The following PSME4 variants were observed in gnomAD, a reference collection of about 807,000 sequenced individuals.
The protein encoded by PSME4 is proteasome activator subunit 4, also known as proteasome activator complex subunit 4.
Under a neutral mutation model 253.9 loss-of-function variants are expected in PSME4, and 89 were observed. The observed-to-expected ratio is 0.35, with a 90% CI of 0.30 to 0.42. The LOEUF is 0.42. Ranked by LOEUF, PSME4 falls within the 10% of genes least tolerant of loss-of-function variation. The pLI, the probability that PSME4 is intolerant of heterozygous loss-of-function variation, is 1.00. For synonymous variants in PSME4, 851 were observed against 759.2 expected (o/e 1.12, Z -1.99); for missense variants, 2,014 against 2,195.2 (o/e 0.92, Z 1.65).
At chr2:53,895,871 T>A (rs1486362140) in intron 32 of PSME4, 135 bp from the exon 33 acceptor site, 2 of 747,562 alleles carry the variant, frequency 2.7e-6, no homozygotes, top group East Asian at 5.7e-5. Flanking sequence ...AGATAACATA[T>A]ATATGAGCAA....
intron 18 of PSME4, 129 bp from the exon 19 acceptor site, chr2:53,920,479 T>A (rs979030685): frequency 2.2e-6 from 2 of 929,636 alleles, no homozygotes; most frequent in East Asian, 2.7e-5. Context: ...AGGTAGCAAA[T>A]GATATACAAA....
chr2:53,892,854 A>AT lies in PSME4; in HGVS notation c.4144dup (p.Ile1382AsnfsTer10). The stretch of plus-strand genomic sequence containing the variant: ...AGAACCTCTGATTAAACCAGCTATA[A>AT]TTTCTGCAACACATCGCTGGGTGCT... On this transcript the variant is annotated frameshift_variant, in exon 36 of 47. Transcript: ENST00000404125. LOFTEE classifies it high-confidence loss of function. 1 of 1,613,856 alleles carries AT rather than the reference A, an allele frequency of 6.2e-7. No homozygotes were observed. Among genetic ancestry groups the AT allele is most frequent in the Non-Finnish European group, 8.5e-7 (1 of 1,179,856 alleles).
At chr2:53,889,519 A>G (rs1679801104) in intron 37 of PSME4, among the ~76,000 whole-genome samples, 1 of 152,130 alleles carries the variant, frequency 6.6e-6, no homozygotes, top group South Asian at 2.1e-4. Context: ...GTTGGCTGAA[A>G]CCACAGATGT....
intron 10 of PSME4, among the ~76,000 whole-genome samples, chr2:53,929,307 C>T (rs1289026153): frequency 6.6e-6 from 1 of 152,092 alleles, no homozygotes; most frequent in Non-Finnish European, 1.5e-5. Flanking sequence ...CCACCCCCAA[C>T]CCTGGAGTCA....
chr2:53,894,542 G>A (rs1481882881), intron 34 of PSME4, among the ~76,000 whole-genome samples: 1 of 152,202 alleles, frequency 6.6e-6, no homozygotes, highest in East Asian at 1.9e-4. Flanking sequence ...AAAGTGTTGG[G>A]ATTACAGGCA....
intron 11 of PSME4, among the ~76,000 whole-genome samples, chr2:53,927,775 T>G (rs1288677993): frequency 6.6e-6 from 1 of 152,022 alleles, no homozygotes; most frequent in Non-Finnish European, 1.5e-5. Context: ...GGTGAAACCC[T>G]GTCTCTACTA....
At chr2:53,916,615 T>C (rs1668075373) in intron 20 of PSME4, among the ~76,000 whole-genome samples, 2 of 152,234 alleles carry the variant, frequency 1.3e-5, no homozygotes, top group African/African-American at 4.8e-5. Flanking sequence ...TTGGAATTAC[T>C]GTATTAGTTT....
intron 11 of PSME4, among the ~76,000 whole-genome samples, chr2:53,927,744 C>T (rs1448810051): frequency 2.6e-5 from 4 of 152,036 alleles, no homozygotes; most frequent in African/African-American, 7.2e-5. Flanking sequence ...GCCAGGAGTT[C>T]GAGACCAGCC....
chr2:53,889,281 C>G (rs567965822), intron 37 of PSME4, among the ~76,000 whole-genome samples: 1 of 152,182 alleles, frequency 6.6e-6, no homozygotes, highest in East Asian at 1.9e-4. Context: ...ATGTTCAAGT[C>G]TGTTATGAAA....
At chr2:53,952,848 C>G (rs1670060825) in intron 1 of PSME4, among the ~76,000 whole-genome samples, 1 of 152,240 alleles carries the variant, frequency 6.6e-6, no homozygotes, top group Non-Finnish European at 1.5e-5. Flanking sequence ...CAGCCCGGTT[C>G]CTAACAGGCC....
At chr2:53,949,095 C>A in intron 2 of PSME4, 48 bp downstream of exon 2, 2 of 1,501,248 alleles carry the variant, frequency 1.3e-6, no homozygotes, top group Non-Finnish European at 1.8e-6. Flanking sequence ...CCCTAAAACC[C>A]TGAAGAAACA....
intron 26 of PSME4, among the ~76,000 whole-genome samples, chr2:53,905,487 G>A (rs559192433): frequency 6.6e-6 from 1 of 152,232 alleles, no homozygotes; most frequent in South Asian, 2.1e-4. Flanking sequence ...GATCGCTTGA[G>A]CCCAGGAGTT....
intron 8 of PSME4, among the ~76,000 whole-genome samples, chr2:53,933,912 G>C (rs77472570): frequency 0.033 from 4,946 of 152,180 alleles, 104 homozygotes; most frequent in Non-Finnish European, 0.047. Flanking sequence ...CAAAAACAAG[G>C]GGGGGCTTAA....
intron 1 of PSME4, among the ~76,000 whole-genome samples, chr2:53,963,187 G>T (rs573391979): frequency 6.6e-6 from 1 of 152,012 alleles, no homozygotes; most frequent in Non-Finnish European, 1.5e-5. Flanking sequence ...TTAGCTTGGC[G>T]TGGTGGTATA....
chr2:53,921,155 A>C (rs1558685117), intron 17 of PSME4, 51 bp from the exon 18 acceptor site: 3 of 1,605,586 alleles, frequency 1.9e-6, no homozygotes, highest in Non-Finnish European at 1.7e-6. Context: ...AAGAACAAGA[A>C]CCAATCATTA....
At position 53,908,856 on chromosome 2, in the gene PSME4, A is replaced by G. The variant is rs1249174343; in HGVS notation, c.2573-16T>C. On this transcript the variant is annotated splice_polypyrimidine_tract_variant and intron_variant, in intron 21 of 46. Coordinates refer to ENST00000404125, the MANE Select transcript of PSME4 (RefSeq NM_014614.3). The stretch of plus-strand genomic sequence containing the variant: ...CGAGACAGATCTATTTTGAAAAAAT[A>G]AAAGAAGGTATTTTAGACACTGAAT... The G allele has an allele frequency of 5.1e-6, 8 of 1,584,048 alleles. No individual in the cohort carries two copies. The highest frequency in any genetic ancestry group is 6.1e-6 in the Non-Finnish European group (7 of 1,156,918).
chr2:53,906,573 A>C (rs1680668757), intron 26 of PSME4, 25 bp downstream of exon 26: 3 of 1,512,788 alleles, frequency 2.0e-6, no homozygotes, highest in Non-Finnish European at 2.6e-6. Context: ...AGGGCATGAG[A>C]GTGCAGCGTT....
At chr2:53,881,864 G>A (rs985075591) in intron 41 of PSME4, among the ~76,000 whole-genome samples, 27 of 152,140 alleles carry the variant, frequency 1.8e-4, no homozygotes, top group Middle Eastern at 3.4e-3. Flanking sequence ...GATTACAGGC[G>A]TGAGCCACTG....
intron 18 of PSME4, 32 bp from the exon 19 acceptor site, chr2:53,920,382 G>A (rs751060518): frequency 6.5e-7 from 1 of 1,534,646 alleles, no homozygotes; most frequent in Admixed American, 2.1e-5. Flanking sequence ...TCAGCAAGTT[G>A]AGAAATTAAA....
Sources: gnomAD v4.1 joint callset for allele counts (sites outside exome capture counted in the v4.1 genomes callset) on GRCh38, gnomAD v4.1.1 for gene constraint, MANE v1.5 for transcripts, NCBI Gene and HGNC (gene_info 2026-07-23, HGNC 2026-07-21) for gene names.